Variants in CDK14 observed in about 807,000 individuals in gnomAD.
CDK14 encodes the protein cyclin dependent kinase 14.
CDK14 carries 34 observed loss-of-function variants against 60.7 expected under a neutral mutation model. The ratio of observed to expected loss-of-function variants is 0.56; its 90% confidence interval spans 0.43 to 0.75. CDK14 has a LOEUF of 0.75. CDK14 is among the 30% of genes least tolerant of loss of function. The pLI, the probability that CDK14 is intolerant of heterozygous loss-of-function variation, is 0.00. For synonymous variants in CDK14, 197 were observed against 203.7 expected, an observed-to-expected ratio of 0.97 and a Z score of 0.28; for missense variants, 482 against 564.1, an observed-to-expected ratio of 0.85 and a Z score of 1.47.
intron 10 of CDK14, among the ~76,000 whole-genome samples, chr7:91,015,300 A>C (rs1796267501): frequency 6.6e-6 from 1 of 151,952 alleles, no homozygotes; most frequent in African/African-American, 2.4e-5. Context: ...CCCTTACCCA[A>C]GTTCTGTACA....
chr7:90,779,308 C>T (rs896495340), intron 4 of CDK14, among the ~76,000 whole-genome samples: 32 of 152,048 alleles, frequency 2.1e-4, no homozygotes, highest in Non-Finnish European at 5.9e-5. Context: ...GGCTGAAGTG[C>T]GTGGTACAAT....
At chr7:90,746,120 T>TAA (rs1584850958) in intron 3 of CDK14, among the ~76,000 whole-genome samples, 1 of 152,236 alleles carries the variant, frequency 6.6e-6, no homozygotes, top group African/African-American at 2.4e-5. Flanking sequence ...TTCTTTTATT[T>TAA]AATAGTCTTC....
chr7:91,001,344 A>G (rs570618218), intron 10 of CDK14, among the ~76,000 whole-genome samples: 4 of 152,322 alleles, frequency 2.6e-5, no homozygotes, highest in African/African-American at 9.6e-5. Context: ...AAGGAAATTT[A>G]GTCCTGCTAC....
At chr7:90,769,002 G>A (rs1324706624) in intron 4 of CDK14, among the ~76,000 whole-genome samples, 2 of 152,132 alleles carry the variant, frequency 1.3e-5, no homozygotes, top group Non-Finnish European at 2.9e-5. Flanking sequence ...GAGGCAAATG[G>A]TAGACAGTTA....
At chr7:90,884,319 GAACAT>G (rs1344739836) in intron 6 of CDK14, among the ~76,000 whole-genome samples, 1 of 152,136 alleles carries the variant, frequency 6.6e-6, no homozygotes, top group African/African-American at 2.4e-5. Context: ...AATCATGAAT[GAACAT>G]TCATTCACAA....
chr7:90,873,010 TC>T (rs1791424886), intron 6 of CDK14, among the ~76,000 whole-genome samples: 2 of 152,196 alleles, frequency 1.3e-5, no homozygotes, highest in Admixed American at 6.5e-5. Flanking sequence ...AAAAGATAAT[TC>T]CTTTGGAAAG....
At chr7:91,017,055 T>G (rs1011089466) in intron 10 of CDK14, among the ~76,000 whole-genome samples, 1 of 152,226 alleles carries the variant, frequency 6.6e-6, no homozygotes, top group Non-Finnish European at 1.5e-5. Flanking sequence ...GTGTTTCCTT[T>G]CTTCACTTTA....
chr7:90,891,414 A>G (rs1206954854), intron 6 of CDK14, among the ~76,000 whole-genome samples: 1 of 152,220 alleles, frequency 6.6e-6, no homozygotes, highest in Non-Finnish European at 1.5e-5. Context: ...ACAAAATATA[A>G]CAAATTTGGT....
intron 7 of CDK14, among the ~76,000 whole-genome samples, chr7:90,902,379 T>C (rs1792537391): frequency 6.6e-6 from 1 of 152,042 alleles, no homozygotes; most frequent in Non-Finnish European, 1.5e-5. Flanking sequence ...CAACATGTTA[T>C]GGGTATTAAA....
chr7:90,639,061 T>C (rs1366775940), intron 2 of CDK14, among the ~76,000 whole-genome samples: 1 of 152,224 alleles, frequency 6.6e-6, no homozygotes, highest in Non-Finnish European at 1.5e-5. Flanking sequence ...TTCAACTTCT[T>C]TGCCTTTGGT....
intron 8 of CDK14, among the ~76,000 whole-genome samples, chr7:90,937,873 G>A (rs528045125): frequency 3.3e-5 from 5 of 152,174 alleles, no homozygotes; most frequent in Admixed American, 1.3e-4. Context: ...GATTTTCAAA[G>A]GAAAAATAGA....
intron 10 of CDK14, among the ~76,000 whole-genome samples, chr7:91,042,261 T>C (rs1224508570): frequency 6.6e-6 from 1 of 152,130 alleles, no homozygotes; most frequent in Non-Finnish European, 1.5e-5. Flanking sequence ...TATAACCGTA[T>C]ACTCTACTGT....
chr7:91,108,419 T>C (rs1799372548), intron 12 of CDK14, among the ~76,000 whole-genome samples: 1 of 152,244 alleles, frequency 6.6e-6, no homozygotes, highest in Non-Finnish European at 1.5e-5. Context: ...TTGAAGTCTA[T>C]TCACATTCTT....
chr7:90,687,308 C>T (rs1046285241), intron 2 of CDK14, among the ~76,000 whole-genome samples: 4 of 152,016 alleles, frequency 2.6e-5, no homozygotes, highest in South Asian at 2.1e-4. Flanking sequence ...TATTTATTAA[C>T]CGAGCAGAGT....
intron 10 of CDK14, among the ~76,000 whole-genome samples, chr7:91,033,730 C>G (rs904338507): frequency 5.3e-5 from 8 of 152,188 alleles, no homozygotes; most frequent in African/African-American, 1.9e-4. Flanking sequence ...AACATCACCT[C>G]CCTCCAGCCT....
intron 4 of CDK14, among the ~76,000 whole-genome samples, chr7:90,785,140 A>G: frequency 7.5e-6 from 1 of 132,784 alleles, no homozygotes; most frequent in East Asian, 5.9e-4. Context: ...TCATAATGGA[A>G]GAGAGAAGCA....
intron 5 of CDK14, among the ~76,000 whole-genome samples, chr7:90,842,279 C>A (rs1179504709): frequency 6.6e-6 from 1 of 152,104 alleles, no homozygotes; most frequent in East Asian, 1.9e-4. Context: ...ATTTCACTTT[C>A]TTTGTTCCTG....
chr7:90,716,674 A>G (rs1043800614), intron 2 of CDK14, among the ~76,000 whole-genome samples: 1 of 152,130 alleles, frequency 6.6e-6, no homozygotes, highest in African/African-American at 2.4e-5. Flanking sequence ...AGCTGAAAAT[A>G]TATTGAGTTA....
intron 8 of CDK14, among the ~76,000 whole-genome samples, chr7:90,949,820 C>A (rs1347739564): frequency 6.6e-6 from 1 of 152,156 alleles, no homozygotes; most frequent in African/African-American, 2.4e-5. Context: ...TAATTGTAAT[C>A]TTGAAACTAC....
Sources: allele counts gnomAD v4.1 joint callset (sites outside exome capture counted in the v4.1 genomes callset), GRCh38; gene constraint gnomAD v4.1.1; transcripts MANE v1.5; gene names NCBI Gene and HGNC (gene_info 2026-07-23, HGNC 2026-07-21).